PIEZO2: variants seen among roughly 807,000 people sequenced by gnomAD.
PIEZO2 encodes the protein piezo-type mechanosensitive ion channel component 2.
A neutral mutation model predicts 337.3 loss-of-function variants in PIEZO2; 172 were observed. The ratio of observed to expected loss-of-function variants is 0.51; its 90% CI spans 0.45 to 0.58. The LOEUF is 0.58. Among genes scored for constraint, PIEZO2 ranks in the 20% least tolerant of loss-of-function variants. The pLI, the probability that PIEZO2 is intolerant of heterozygous loss-of-function variation, is 0.00. For missense variants in PIEZO2, 3,028 were observed against 3,391.3 expected (o/e 0.89, Z 2.66); for synonymous variants, 1,251 against 1,228.5 (o/e 1.02, Z -0.38).
chr18:10,917,105 G>A (rs114192463), intron 3 of PIEZO2, among the ~76,000 whole-genome samples: 2,876 of 124,086 alleles, frequency 0.023, 87 homozygotes, highest in African/African-American at 0.084. Flanking sequence ...GGGGGAGTTC[G>A]TTCTGTACAA....
intron 27 of PIEZO2, among the ~76,000 whole-genome samples, chr18:10,754,836 T>G (rs2143789219): frequency 6.6e-6 from 1 of 152,302 alleles, no homozygotes; most frequent in African/African-American, 2.4e-5. Flanking sequence ...ACATTCAGAT[T>G]TGGGAGCTGG....
In PIEZO2 at chr18:10,773,775, T is replaced by C. The variant is rs1329719734; in HGVS notation, c.2568-146A>G. The stretch of plus-strand genomic sequence containing the variant: ...GTGGGGTGTTAGCGTTTTGTCACTT[T>C]CTTTTTGGTTGGTTTGTTTGTTTTA... On this transcript the variant is annotated intron_variant, in intron 19 of 55. Coordinates refer to ENST00000674853, the MANE Select transcript of PIEZO2 (RefSeq NM_001378183.1). This position sits in a 1 kb window ranked among gnomAD's most constrained non-coding sequence, Gnocchi z 5.3. 1.3e-6 allele frequency: 1 copy of C among 782,020 alleles called. No homozygotes were observed. Among genetic ancestry groups the C allele is most frequent in the Non-Finnish European group, 2.0e-6 (1 of 499,588 alleles). The allele number at this position is 782,020 out of a possible 1,614,324, so 48.4% of individuals were successfully genotyped here.
At chr18:10,691,782 C>CATATATATATATATATAT (rs33977962) in intron 47 of PIEZO2, among the ~76,000 whole-genome samples, 161 of 96,258 alleles carry the variant, frequency 1.7e-3, no homozygotes, top group East Asian at 3.5e-3. Flanking sequence ...CACACACACA[C>CATATATATATATATATAT]ATATATATAT....
At chr18:10,802,619 C>T (rs2039862877) in intron 9 of PIEZO2, among the ~76,000 whole-genome samples, 1 of 152,186 alleles carries the variant, frequency 6.6e-6, no homozygotes, top group Non-Finnish European at 1.5e-5. Flanking sequence ...TGTGGTGTTC[C>T]GGTTGAAGTA....
chr18:10,702,441 A>T (rs1390758029), intron 42 of PIEZO2, among the ~76,000 whole-genome samples: 3 of 152,190 alleles, frequency 2.0e-5, no homozygotes, highest in African/African-American at 7.2e-5. Context: ...TTGATTAGTC[A>T]TTTCCTCTTT....
At chr18:11,098,581 G>C (rs140571808) in intron 1 of PIEZO2, among the ~76,000 whole-genome samples, 1 of 149,978 alleles carries the variant, frequency 6.7e-6, no homozygotes, top group Non-Finnish European at 1.5e-5. Flanking sequence ...CTTGACCCCC[G>C]GTGCAGCAGT....
chr18:10,690,266 C>T (rs960473304), intron 48 of PIEZO2, among the ~76,000 whole-genome samples: 5 of 152,108 alleles, frequency 3.3e-5, no homozygotes, highest in African/African-American at 4.8e-5. Flanking sequence ...GCCCCTCAGC[C>T]GCAGGACTTG....
rs2042987850 is a variant in PIEZO2 at position 10,899,460 on chromosome 18, T to G, written c.329+11726A>C. On this transcript the variant is annotated intron_variant, in intron 4 of 55. Transcript: ENST00000674853. The surrounding 1 kb of genome is among the most constrained non-coding windows in gnomAD (Gnocchi z 4.6). ...CATTTTAATTGAGCAGTAATGTCTTTGTCTCCAGTAAGGTGCTTCACTGGC... is the reference window on the plus strand; with the variant it reads ...CATTTTAATTGAGCAGTAATGTCTTGGTCTCCAGTAAGGTGCTTCACTGGC... 6.6e-6 allele frequency among the ~76,000 whole-genome samples: 1 copy of G among 152,220 alleles called. No homozygotes were observed. The highest frequency in any genetic ancestry group is 2.1e-4 in the South Asian group (1 of 4,832).
intron 30 of PIEZO2, among the ~76,000 whole-genome samples, chr18:10,745,362 A>T (rs747462518): frequency 3.3e-5 from 5 of 152,100 alleles, no homozygotes; most frequent in Non-Finnish European, 7.3e-5. Context: ...AAAAAACGAA[A>T]AAGAAAACCG....
Position 10,783,696 on chromosome 18 carries a change from T to C in PIEZO2, c.2492+1088A>G, listed in dbSNP as rs913742759. Among the ~76,000 whole-genome samples the C allele has an allele frequency of 6.6e-6, 1 of 152,206 alleles. No individual in the cohort carries two copies. The highest frequency in any genetic ancestry group is 1.9e-4 in the East Asian group (1 of 5,196). On this transcript the variant is annotated intron_variant, in intron 17 of 55. Transcript: ENST00000674853. This position sits in a 1 kb window ranked among gnomAD's most constrained non-coding sequence, Gnocchi z 4.3. The stretch of plus-strand genomic sequence containing the variant: ...AGCAAAACAAGTCATGACTGATTGA[T>C]ACCTCTTGGTTCCATGGGTTACGAG...
intron 42 of PIEZO2, among the ~76,000 whole-genome samples, chr18:10,702,553 T>C (rs2035387945): frequency 6.6e-6 from 1 of 152,234 alleles, no homozygotes; most frequent in African/African-American, 2.4e-5. Flanking sequence ...TACTCGTATC[T>C]TTCTAGTTTC....
At chr18:10,704,901 G>A (rs2035508794) in intron 41 of PIEZO2, among the ~76,000 whole-genome samples, 1 of 152,126 alleles carries the variant, frequency 6.6e-6, no homozygotes, top group South Asian at 2.1e-4. Flanking sequence ...ATGTTGGTCA[G>A]GCTGGTCTTG....
chr18:11,039,394 C>T (rs773658661), intron 2 of PIEZO2, among the ~76,000 whole-genome samples: 8 of 152,116 alleles, frequency 5.3e-5, no homozygotes, highest in African/African-American at 1.9e-4. Flanking sequence ...TTAGAGACAT[C>T]GTTTGAACAG....
chr18:10,866,688 C>T (rs1418578477), intron 5 of PIEZO2, among the ~76,000 whole-genome samples: 2 of 152,132 alleles, frequency 1.3e-5, no homozygotes, highest in Non-Finnish European at 2.9e-5. Flanking sequence ...CATGCTCTCA[C>T]CTGGTGACCA....
In PIEZO2 at chr18:11,088,968, A is replaced by G. The variant is rs184115586; in HGVS notation, c.65-22746T>C. Among the ~76,000 whole-genome samples, 554 of 152,348 alleles carry G rather than the reference A, an allele frequency of 3.6e-3. 1 individual carries two copies. Among genetic ancestry groups the G allele is most frequent in the Non-Finnish European group, 6.1e-3 (414 of 68,032 alleles). ...GGGAATTAGCCAGGTAACCATGCAA[A>G]GAACAGTTTAAATTACCATAGAAAC... On this transcript the variant is annotated intron_variant, in intron 1 of 55. Transcript: ENST00000674853.
rs1053965759 is a variant in PIEZO2 at position 11,094,023 on chromosome 18, G to C, written c.65-27801C>G. 6.6e-6 allele frequency among the ~76,000 whole-genome samples: 1 copy of C among 151,786 alleles called. No homozygotes were observed. Among genetic ancestry groups the C allele is most frequent in the African/African-American group, 2.4e-5 (1 of 41,262 alleles). On this transcript the variant is annotated intron_variant, in intron 1 of 55. Coordinates refer to ENST00000674853, the MANE Select transcript of PIEZO2 (RefSeq NM_001378183.1). The surrounding 1 kb of genome is among the most constrained non-coding windows in gnomAD (Gnocchi z 4.4). Reference sequence around the variant, plus strand: ...GACAGTGTCTCGCTCTTGGGGCCCAGGCTGGAGTGCAGTGGTGCTACTGCG... The same window carrying C: ...GACAGTGTCTCGCTCTTGGGGCCCACGCTGGAGTGCAGTGGTGCTACTGCG...
chr18:10,831,035 C>CA (rs1267527352), intron 7 of PIEZO2, among the ~76,000 whole-genome samples: 2 of 152,104 alleles, frequency 1.3e-5, no homozygotes, highest in Non-Finnish European at 2.9e-5. Context: ...AAAGTGCTAG[C>CA]AAGGATGTGG....
rs910112565 is a variant in PIEZO2, at chr18:11,078,056, A to C, written c.65-11834T>G. On this transcript the variant is annotated intron_variant, in intron 1 of 55. Coordinates refer to ENST00000674853, the MANE Select transcript of PIEZO2 (RefSeq NM_001378183.1). This position sits in a 1 kb window ranked among gnomAD's most constrained non-coding sequence, Gnocchi z 5.3. ...CACACCCACACACACCCACACACAC[A>C]CACACACACACCACACACACAAAAA... Among the ~76,000 whole-genome samples, 10 of 150,972 alleles carry C rather than the reference A, an allele frequency of 6.6e-5. No homozygotes were observed. The highest frequency in any genetic ancestry group is 1.3e-4 in the Non-Finnish European group (9 of 67,710).
At position 11,077,972 on chromosome 18, in the gene PIEZO2, G is replaced by A. The variant is rs139073638; in HGVS notation, c.65-11750C>T. Reference sequence around the variant, plus strand: ...CAACTGGAAACAGCAATGGAAAAAGGGGTGACAGCCAAGGCCACAATACAC... The same window carrying A: ...CAACTGGAAACAGCAATGGAAAAAGAGGTGACAGCCAAGGCCACAATACAC... On this transcript the variant is annotated intron_variant, in intron 1 of 55. Coordinates refer to ENST00000674853, the MANE Select transcript of PIEZO2 (RefSeq NM_001378183.1). This position sits in a 1 kb window ranked among gnomAD's most constrained non-coding sequence, Gnocchi z 4.8. Among the ~76,000 whole-genome samples, 65 of 151,576 alleles carry A rather than the reference G, an allele frequency of 4.3e-4. No individual in the cohort carries two copies. The East Asian group carries it at 0.011, about 25-fold the overall frequency.
Sources: gnomAD v4.1 joint callset for allele counts (sites outside exome capture counted in the v4.1 genomes callset) on GRCh38, gnomAD v4.1.1 for gene constraint, Gnocchi (gnomAD v3.1) non-coding constraint, MANE v1.5 for transcripts, NCBI Gene and HGNC (gene_info 2026-07-23, HGNC 2026-07-21) for gene names.